The following GOLGA2 variants were observed in gnomAD, a reference collection of about 807,000 sequenced individuals.
GOLGA2 encodes golgin subfamily A member 2.
A neutral mutation model predicts 148.8 loss-of-function variants in GOLGA2; 49 were observed. The ratio of observed to expected loss-of-function variants is 0.33; its 90% confidence interval spans 0.26 to 0.42. GOLGA2 has a LOEUF of 0.42. Among genes scored for constraint, GOLGA2 ranks in the 10% least tolerant of loss-of-function variants. The pLI is 1.00. For missense variants in GOLGA2, 1,178 were observed against 1,304.6 expected (o/e 0.90, Z 1.49); for synonymous variants, 501 against 511.8 (o/e 0.98, Z 0.28).
intron 1 of GOLGA2, among the ~76,000 whole-genome samples, chr9:128,275,032 A>T (rs932310904): frequency 2.0e-5 from 3 of 152,178 alleles, no homozygotes; most frequent in African/African-American, 7.2e-5. Context: ...AAAAAATGTT[A>T]AAGTCTCTCT....
In GOLGA2 at chr9:128,274,352, C is replaced by T. The variant is rs953527365; in HGVS notation, c.85-380G>A. 9.2e-5 allele frequency among the ~76,000 whole-genome samples: 14 copies of T among 151,996 alleles called. No homozygotes were observed. In the East Asian group the frequency reaches 1.3e-3, roughly 15 times the overall value. On this transcript the variant is annotated intron_variant, in intron 1 of 26. Coordinates refer to ENST00000611957, the MANE Select transcript of GOLGA2 (RefSeq NM_001366244.2). ...CTAATTACGGTTCCGAGGGGGACTG[C>T]GACATCACTACATTCCACTCCACCA... is the stretch of plus-strand genomic sequence containing the variant.
Position 128,257,084 on chromosome 9 carries a change from T to C in GOLGA2, c.3073A>G (p.Lys1025Glu). ...FYRADENDEV[K>E]ITVI ...GCCGGCTTTTAGATGACAGTGATCT[T>C]CACCTCATCATTCTCGTCAGCCCGG... Residue 1025 changes from lysine to glutamate, a missense_variant, in exon 27 of 27, where the codon AAG becomes GAG. This residue lies in a region of GOLGA2 where 149 missense variants were observed against 154.9 expected (regional missense o/e 0.96). Coordinates refer to ENST00000611957, the MANE Select transcript of GOLGA2 (RefSeq NM_001366244.2). The surrounding 1 kb of genome is among the most constrained non-coding windows in gnomAD (Gnocchi z 8.0). 1 of 1,613,416 alleles carries C rather than the reference T, an allele frequency of 6.2e-7. No homozygotes were observed. Among genetic ancestry groups the C allele is most frequent in the South Asian group, 1.1e-5 (1 of 91,026 alleles).
chr9:128,268,589 CAAGGG>C, intron 3 of GOLGA2, 65 bp from the exon 4 acceptor site: 2 of 835,018 alleles, frequency 2.4e-6, no homozygotes, highest in Non-Finnish European at 4.0e-6. Flanking sequence ...ACTATGAACA[CAAGGG>C]TGTGGAACAG....
intron 14 of GOLGA2, among the ~76,000 whole-genome samples, chr9:128,262,173 C>T (rs1039884219): frequency 1.9e-4 from 27 of 145,346 alleles, no homozygotes; most frequent in African/African-American, 1.8e-4. Context: ...GGTGATAGAG[C>T]GAGACCCCGT....
intron 7 of GOLGA2, 41 bp from the exon 8 acceptor site, chr9:128,267,315 G>T: frequency 6.8e-7 from 1 of 1,475,134 alleles, no homozygotes; most frequent in Non-Finnish European, 9.5e-7. Flanking sequence ...GGAGGATTGG[G>T]GGGAGAGGTA....
rs79376866 is a variant in GOLGA2, at chr9:128,264,856, C to T, written c.933+729G>A. Among the ~76,000 whole-genome samples the T allele has an allele frequency of 4.1e-4, 62 of 152,254 alleles. No homozygotes were observed. In the East Asian group the frequency reaches 0.012, roughly 28 times the overall value. On this transcript the variant is annotated intron_variant, in intron 12 of 26. Coordinates refer to ENST00000611957, the MANE Select transcript of GOLGA2 (RefSeq NM_001366244.2). ...TTCACCAGGCACCATGCTAACAATC[C>T]CATTTAATCCTCATAACCACCACAT... is the stretch of plus-strand genomic sequence containing the variant.
chr9:128,266,314 G>T lies in GOLGA2; in HGVS notation c.654C>A (p.Asn218Lys), dbSNP rs1230509819. 6 of 1,613,258 alleles carry T rather than the reference G, an allele frequency of 3.7e-6. No individual in the cohort carries two copies. The highest frequency in any genetic ancestry group is 5.1e-6 in the Non-Finnish European group (6 of 1,179,420). Residue 218 changes from asparagine to lysine, a missense_variant, in exon 9 of 27, where the codon AAC (asparagine) becomes AAA (lysine). Asn to Lys is a moderately conservative substitution (Grantham distance 94). Around this residue, in one of 5 missense-constraint regions of GOLGA2, gnomAD observed 304 missense variants for 404.1 expected, o/e 0.75. Transcript: ENST00000611957. The surrounding 1 kb of genome is among the most constrained non-coding windows in gnomAD (Gnocchi z 4.2). ...NITIEKLKQQ[N>K]QEITDQLEEE... ...CTTCCAACTGATCCGTAATTTCTTG[G>T]TTCTGTTGTTTCTGTGGGGAAGAGT...
rs759639005 is a variant in GOLGA2 at position 128,275,967 on chromosome 9, G to C, written c.10C>G (p.Gln4Glu). The C allele has an allele frequency of 6.3e-7, 1 of 1,596,824 alleles. No homozygotes were observed. The highest frequency in any genetic ancestry group is 8.5e-7 in the Non-Finnish European group (1 of 1,171,302). ...GCGGGGCGGGGAGGGAGGCGGGGTT[G>C]GGGCCACATCAGCGCGATCCCGGCA... Reference protein sequence around the residue: MWPQPRLPPRPAMS... With the variant: MWPEPRLPPRPAMS... The change falls in exon 1 of 27, where the codon CAA becomes GAA. Residue 4 changes from glutamine (Q) to glutamate (E), a missense_variant. Around this residue, in one of 5 missense-constraint regions of GOLGA2, gnomAD observed 158 missense variants for 156.6 expected, o/e 1.01. Transcript: ENST00000611957.
At position 128,261,711 on chromosome 9, in the gene GOLGA2, T is replaced by C; in HGVS notation, c.1181A>G (p.Gln394Arg). 1 of 1,613,340 alleles carries C rather than the reference T, an allele frequency of 6.2e-7. No homozygotes were observed. Among genetic ancestry groups the C allele is most frequent in the South Asian group, 1.1e-5 (1 of 91,066 alleles). Reference protein sequence around the residue: ...EAPDANQQLQQAMEERAQLEA... With the variant: ...EAPDANQQLQRAMEERAQLEA... ...CAGCTGTGCCCGCTCCTCCATGGCC[T>C]GCTGTAACTGCTGGTTAGCATCAGG... is the stretch of plus-strand genomic sequence containing the variant. The change falls in exon 15 of 27, where the codon CAG becomes CGG. Residue 394 changes from glutamine to arginine, a missense_variant. Transcript: ENST00000611957. This position sits in a 1 kb window ranked among gnomAD's most constrained non-coding sequence, Gnocchi z 5.7.
chr9:128,262,761 G>A (rs2131351116), intron 13 of GOLGA2, 57 bp from the exon 14 acceptor site: 1 of 1,523,072 alleles, frequency 6.6e-7, no homozygotes, highest in Non-Finnish European at 9.0e-7. Flanking sequence ...GACTGCTTTG[G>A]TGATCCACCC....
chr9:128,261,623 C>T lies in GOLGA2; in HGVS notation c.1224+45G>A. On this transcript the variant is annotated intron_variant, in intron 15 of 26. Coordinates refer to ENST00000611957, the MANE Select transcript of GOLGA2 (RefSeq NM_001366244.2). This position sits in a 1 kb window ranked among gnomAD's most constrained non-coding sequence, Gnocchi z 5.7. ...ACTGGTTGTCACCTACTCCTGGCCACCTGGGGTCATCTTCCTTCTACATCC... is the reference window on the plus strand; with the variant it reads ...ACTGGTTGTCACCTACTCCTGGCCATCTGGGGTCATCTTCCTTCTACATCC... The T allele has an allele frequency of 6.5e-7, 1 of 1,528,910 alleles. No homozygotes were observed. 94.7% of individuals were successfully genotyped at this position (1,528,910 alleles called of 1,614,324 possible).
Position 128,260,273 on chromosome 9 carries a change from A to T in GOLGA2, c.1759-84T>A. The T allele has an allele frequency of 8.0e-7, 1 of 1,244,000 alleles. No homozygotes were observed. The highest frequency in any genetic ancestry group is 1.2e-6 in the Non-Finnish European group (1 of 855,492). 77.1% of individuals were successfully genotyped at this position (1,244,000 alleles called of 1,614,324 possible). A position where few individuals can be genotyped will look rare whatever the true frequency, so the allele number is the denominator to read the frequency against. The stretch of plus-strand genomic sequence containing the variant: ...TGCCTTGGTGTCTGCCTCCCATGGC[A>T]CCGGGAAGGGTGGAGGCAGGTTAGA... On this transcript the variant is annotated intron_variant, in intron 18 of 26. Transcript: ENST00000611957. The surrounding 1 kb of genome is among the most constrained non-coding windows in gnomAD (Gnocchi z 4.8).
chr9:128,260,949 C>T lies in GOLGA2; in HGVS notation c.1421-147G>A. 1.5e-6 allele frequency: 1 copy of T among 683,964 alleles called. No individual in the cohort carries two copies. Among genetic ancestry groups the T allele is most frequent in the Non-Finnish European group, 2.5e-6 (1 of 401,694 alleles). 42.4% of individuals were successfully genotyped at this position (683,964 alleles called of 1,614,324 possible). A position where few individuals can be genotyped will look rare whatever the true frequency, so the allele number is the denominator to read the frequency against. ...GTTAGCCAATCTTCCAAACCACTTTCCGATAGCGACAACTGTGGGTGGCTG... is the reference window on the plus strand; with the variant it reads ...GTTAGCCAATCTTCCAAACCACTTTTCGATAGCGACAACTGTGGGTGGCTG... On this transcript the variant is annotated intron_variant, in intron 17 of 26. Coordinates refer to ENST00000611957, the MANE Select transcript of GOLGA2 (RefSeq NM_001366244.2). The surrounding 1 kb of genome is among the most constrained non-coding windows in gnomAD (Gnocchi z 4.8).
chr9:128,260,575 G>C lies in GOLGA2; in HGVS notation c.1648C>G (p.Gln550Glu), dbSNP rs532690821. ...TCGTTCTGCATGGTCTCCAGGATTT[G>C]CCTGCGCGCCTCCGCCTGCTCCCCC... ...LWGEQAEARR[Q>E]ILETMQNDRT... The change falls in exon 18 of 27, where the codon CAA (glutamine) becomes GAA (glutamate). Residue 550 changes from glutamine to glutamate, a missense_variant. Transcript: ENST00000611957. The surrounding 1 kb of genome is among the most constrained non-coding windows in gnomAD (Gnocchi z 4.8). The C allele has an allele frequency of 1.2e-5, 19 of 1,612,018 alleles. No individual in the cohort carries two copies. The African/African-American group carries it at 2.3e-4, about 19-fold the overall frequency.
Position 128,271,146 on chromosome 9 carries a change from C to T in GOLGA2, c.288+1639G>A, listed in dbSNP as rs1830917157. Among the ~76,000 whole-genome samples the T allele has an allele frequency of 6.6e-6, 1 of 152,162 alleles. No homozygotes were observed. Among genetic ancestry groups the T allele is most frequent in the Admixed American group, 6.5e-5 (1 of 15,278 alleles). On this transcript the variant is annotated intron_variant, in intron 3 of 26. Coordinates refer to ENST00000611957, the MANE Select transcript of GOLGA2 (RefSeq NM_001366244.2). This position sits in a 1 kb window ranked among gnomAD's most constrained non-coding sequence, Gnocchi z 4.4. ...CACAGAATCTCAGAGCATTAGGAAA[C>T]AGGCTGAAGACCCCCTAATCCACTG... is the stretch of plus-strand genomic sequence containing the variant.
rs953404387 is a variant in GOLGA2 at position 128,267,040 on chromosome 9, G to A, written c.642+154C>T. 33 of 682,414 alleles carry A rather than the reference G, an allele frequency of 4.8e-5. No individual in the cohort carries two copies. In the Admixed American group the frequency reaches 6.1e-4, roughly 13 times the overall value. The allele number at this position is 682,414 out of a possible 1,614,324, so 42.3% of individuals were successfully genotyped here. A position where few individuals can be genotyped will look rare whatever the true frequency, so the allele number is the denominator to read the frequency against. ...ACAGAAGAGCCATGCTGCATGCTCC[G>A]TGCTCTGGGGTCCCTCCAGCTGAGG... On this transcript the variant is annotated intron_variant, in intron 8 of 26. Transcript: ENST00000611957.
Position 128,266,679 on chromosome 9 carries a change from G to C in GOLGA2, c.643-354C>G, listed in dbSNP as rs940743484. On this transcript the variant is annotated intron_variant, in intron 8 of 26. Coordinates refer to ENST00000611957, the MANE Select transcript of GOLGA2 (RefSeq NM_001366244.2). The surrounding 1 kb of genome is among the most constrained non-coding windows in gnomAD (Gnocchi z 4.2). ...TGCTGAGCACACACAGGCCAGGTAC[G>C]GTTCTTAATAGCAGGGATACCAGAC... The C allele has an allele frequency of 7.3e-6, 3 of 410,996 alleles. No homozygotes were observed. Among genetic ancestry groups the C allele is most frequent in the Admixed American group, 4.2e-5 (1 of 23,656 alleles). 25.5% of individuals were successfully genotyped at this position (410,996 alleles called of 1,614,324 possible). A position where few individuals can be genotyped will look rare whatever the true frequency, so the allele number is the denominator to read the frequency against.
At position 128,260,275 on chromosome 9, in the gene GOLGA2, CG is replaced by C. The variant is rs555798317; in HGVS notation, c.1759-87del. On this transcript the variant is annotated intron_variant, in intron 18 of 26. Coordinates refer to ENST00000611957, the MANE Select transcript of GOLGA2 (RefSeq NM_001366244.2). The surrounding 1 kb of genome is among the most constrained non-coding windows in gnomAD (Gnocchi z 4.8). ...CCTTGGTGTCTGCCTCCCATGGCAC[CG>C]GGAAGGGTGGAGGCAGGTTAGAAAA... 1.8e-4 allele frequency: 226 copies of C among 1,243,978 alleles called. 1 individual carries two copies. In the South Asian group the frequency reaches 2.3e-3, roughly 13 times the overall value. 77.1% of individuals were successfully genotyped at this position (1,243,978 alleles called of 1,614,324 possible).
Position 128,265,850 on chromosome 9 carries a change from G to A in GOLGA2, c.764C>T (p.Ser255Leu). Residue 255 changes from serine to leucine, a missense_variant, in exon 11 of 27, where the codon TCA becomes TTA. Physicochemically the swap from Ser to Leu is moderately radical, Grantham distance 145 (BLOSUM62 -2). Transcript: ENST00000611957. The part of the protein sequence containing the change: ...VHIQTIGILV[S>L]EKAELQTALA... ...GGCTGTCTGTAACTCAGCTTTCTCT[G>A]ATACGAGGATCCCTATGGTCTGAAT... is the stretch of plus-strand genomic sequence containing the variant. The A allele has an allele frequency of 6.2e-7, 1 of 1,613,632 alleles. No homozygotes were observed. Among genetic ancestry groups the A allele is most frequent in the Non-Finnish European group, 8.5e-7 (1 of 1,179,510 alleles).
Sources: gnomAD v4.1 joint callset for allele counts (sites outside exome capture counted in the v4.1 genomes callset) on GRCh38, gnomAD v4.1.1 for gene constraint, gnomAD v4.1.1 regional missense constraint, Gnocchi (gnomAD v3.1) non-coding constraint, MANE v1.5 for transcripts, NCBI Gene and HGNC (gene_info 2026-07-23, HGNC 2026-07-21) for gene names.